CHFR: variants seen among roughly 807,000 people sequenced by gnomAD.
CHFR encodes the protein E3 ubiquitin-protein ligase CHFR.
A neutral mutation model predicts 87.6 loss-of-function variants in CHFR; 57 were observed. The observed-to-expected ratio is 0.65, with a 90% CI of 0.53 to 0.81. CHFR has a LOEUF of 0.81. Ranked by LOEUF, CHFR falls within the 30% of genes least tolerant of loss-of-function variation. The probability of loss-of-function intolerance (pLI) is 0.00; values close to 1 mark genes in which losing one functional copy is unlikely to be tolerated. For missense variants in CHFR, 797 were observed against 865.8 expected, an observed-to-expected ratio of 0.92 and a Z score of 1.00; for synonymous variants, 381 against 359.2, an observed-to-expected ratio of 1.06 and a Z score of -0.69.
chr12:132,859,399 G>A (rs1376950630), intron 7 of CHFR, among the ~76,000 whole-genome samples, 172 bp from the exon 8 acceptor site: 1 of 152,018 alleles, frequency 6.6e-6, no homozygotes, highest in Non-Finnish European at 1.5e-5. Flanking sequence ...CGCCCAGGCT[G>A]GAGTGCAGTG....
chr12:132,844,299 T>C (rs1363829819), intron 15 of CHFR, among the ~76,000 whole-genome samples, 165 bp from the exon 16 acceptor site: 1 of 152,230 alleles, frequency 6.6e-6, no homozygotes, highest in Non-Finnish European at 1.5e-5. Context: ...AATTTATTTT[T>C]ATTGAGACGG....
intron 5 of CHFR, 174 bp from the exon 6 acceptor site, chr12:132,869,972 G>A (rs1443941426): frequency 1.4e-6 from 1 of 702,128 alleles, no homozygotes; most frequent in Non-Finnish European, 2.4e-6. Flanking sequence ...ACTTTGGGAA[G>A]TCGAGGCAGG....
At chr12:132,844,319 C>A (rs1457676158) in intron 15 of CHFR, among the ~76,000 whole-genome samples, 185 bp from the exon 16 acceptor site, 1 of 152,244 alleles carries the variant, frequency 6.6e-6, no homozygotes, top group Non-Finnish European at 1.5e-5. Context: ...GAGTCTCGCT[C>A]TGTCGCCCTG....
chr12:132,846,263 CT>C (rs10573381), intron 15 of CHFR, among the ~76,000 whole-genome samples: 124 of 127,820 alleles, frequency 9.7e-4, no homozygotes, highest in Middle Eastern at 8.1e-3. Context: ...GCTTAACTGT[CT>C]TTTTTTTTTT....
intron 16 of CHFR, 58 bp downstream of exon 16, chr12:132,843,969 A>G: frequency 9.2e-7 from 1 of 1,091,992 alleles, no homozygotes; most frequent in Non-Finnish European, 1.4e-6. Context: ...AGAGAGGCAG[A>G]AGCCAAGAAG....
intron 2 of CHFR, 68 bp downstream of exon 2, chr12:132,887,128 G>T (rs1453350065): frequency 1.5e-6 from 2 of 1,342,300 alleles, no homozygotes; most frequent in African/African-American, 1.5e-5. Flanking sequence ...ACCGCCGCCC[G>T]TGTGGCCTGC....
chr12:132,861,470 C>G lies in CHFR; in HGVS notation c.748G>C (p.Gly250Arg), dbSNP rs745763828. Residue 250 changes from glycine (G) to arginine (R), a missense_variant, in exon 7 of 18, where the codon GGA becomes CGA. Physicochemically the swap from Gly to Arg is moderately radical, Grantham distance 125. This residue lies in a region of CHFR where 597 missense variants were observed against 601.2 expected (regional missense o/e 0.99). Transcript: ENST00000450056. ...DLEPVKKKMR[G>R]DGDLDLNGQL... ...ACACACACAACCAGACACTAACCTC[C>G]TCTCATTTTCTTCTTCACGGGCTCC... 9 of 1,613,998 alleles carry G rather than the reference C, an allele frequency of 5.6e-6. No homozygotes were observed. The Admixed American group carries it at 1.5e-4, about 27-fold the overall frequency.
At chr12:132,884,279 C>T (rs889712253) in intron 2 of CHFR, among the ~76,000 whole-genome samples, 36 of 151,798 alleles carry the variant, frequency 2.4e-4, no homozygotes, top group Admixed American at 2.6e-4. Flanking sequence ...AGTAGCTGAG[C>T]GTGGTAGCAC....
intron 10 of CHFR, among the ~76,000 whole-genome samples, 161 bp downstream of exon 10, chr12:132,856,307 T>A (rs1951069361): frequency 6.6e-6 from 1 of 152,038 alleles, no homozygotes; most frequent in Non-Finnish European, 1.5e-5. Flanking sequence ...GCTAATACTA[T>A]CCAATATCAG....
At chr12:132,852,124 C>T (rs1950961308) in intron 11 of CHFR, among the ~76,000 whole-genome samples, 1 of 151,562 alleles carries the variant, frequency 6.6e-6, no homozygotes, top group Non-Finnish European at 1.5e-5. Flanking sequence ...GCTGGGACTA[C>T]AGGTGCCTGC....
At chr12:132,871,493 C>T (rs1259391445) in intron 4 of CHFR, among the ~76,000 whole-genome samples, 3 of 151,868 alleles carry the variant, frequency 2.0e-5, no homozygotes, top group Non-Finnish European at 4.4e-5. Flanking sequence ...AAGTATTGGC[C>T]AGGTGCAGTG....
chr12:132,868,690 A>AC (rs1186540813), intron 6 of CHFR, among the ~76,000 whole-genome samples: 1 of 152,192 alleles, frequency 6.6e-6, no homozygotes, highest in East Asian at 1.9e-4. Flanking sequence ...AACAACAACA[A>AC]AAAAGAGCAC....
intron 15 of CHFR, among the ~76,000 whole-genome samples, chr12:132,844,928 C>A: frequency 6.6e-6 from 1 of 152,202 alleles, no homozygotes; most frequent in Middle Eastern, 3.4e-3. Context: ...CCTCCACGCC[C>A]GGCCCCACAT....
chr12:132,841,647 CAAATA>C, intron 17 of CHFR, 51 bp from the exon 18 acceptor site: 4 of 1,449,466 alleles, frequency 2.8e-6, no homozygotes, highest in Non-Finnish European at 3.9e-6. Flanking sequence ...GAGAGGCAAT[CAAATA>C]AATTACACAA....
intron 17 of CHFR, 121 bp downstream of exon 17, chr12:132,842,890 T>A: frequency 5.1e-6 from 4 of 778,400 alleles, no homozygotes. Flanking sequence ...TAAATGAAGA[T>A]ACCGGTTCCT....
chr12:132,846,940 C>T, intron 15 of CHFR, 103 bp downstream of exon 15: 1 of 804,386 alleles, frequency 1.2e-6, no homozygotes, highest in Non-Finnish European at 2.1e-6. Context: ...TCCTCTCTTC[C>T]AGGGTGGGTG....
intron 15 of CHFR, 96 bp from the exon 16 acceptor site, chr12:132,844,230 T>C: frequency 2.7e-6 from 2 of 750,840 alleles, no homozygotes; most frequent in South Asian, 1.5e-5. Context: ...TGACCATAAA[T>C]GGGGTGAAGA....
chr12:132,882,306 C>A (rs1230008852), intron 2 of CHFR, among the ~76,000 whole-genome samples: 1 of 152,178 alleles, frequency 6.6e-6, no homozygotes, highest in Admixed American at 6.5e-5. Flanking sequence ...GACCCTGTGT[C>A]ACGACACGCT....
At chr12:132,872,046 G>T in intron 4 of CHFR, 1 of 457,816 alleles carries the variant, frequency 2.2e-6, no homozygotes, top group South Asian at 4.5e-5. Flanking sequence ...CTGCCATTTT[G>T]GGATTGGCTG....
Sources: gnomAD v4.1 joint callset for allele counts (sites outside exome capture counted in the v4.1 genomes callset) on GRCh38, gnomAD v4.1.1 for gene constraint, gnomAD v4.1.1 regional missense constraint, MANE v1.5 for transcripts, NCBI Gene and HGNC (gene_info 2026-07-23, HGNC 2026-07-21) for gene names.